The following RYR2 variants were observed in gnomAD, a reference collection of about 807,000 sequenced individuals.
RYR2 encodes cardiac muscle ryanodine receptor-calcium release channel.
Under a neutral mutation model 601.1 loss-of-function variants are expected in RYR2, and 227 were observed. The observed-to-expected ratio is 0.38, with a 90% CI of 0.34 to 0.42. The LOEUF (loss-of-function observed/expected upper bound fraction) is 0.42. Ranked by LOEUF, RYR2 falls within the 10% of genes least tolerant of loss-of-function variation. The pLI is 1.00. For synonymous variants in RYR2, 2,223 were observed against 2,175.1 expected, an observed-to-expected ratio of 1.02 and a Z score of -0.61; for missense variants, 4,646 against 6,156.5, an observed-to-expected ratio of 0.75 and a Z score of 8.21.
At chr1:237,795,154 C>A in intron 95 of RYR2, 135 bp from the exon 96 acceptor site, 1 of 472,964 alleles carries the variant, frequency 2.1e-6, no homozygotes, top group South Asian at 3.4e-5. Context: ...GTGATGTTAG[C>A]CAAATTCATT....
chr1:237,767,288 G>T (rs1693918159), intron 84 of RYR2, among the ~76,000 whole-genome samples: 1 of 152,148 alleles, frequency 6.6e-6, no homozygotes, highest in African/African-American at 2.4e-5. Context: ...ATTAGTTACT[G>T]ATGGTAACTT....
chr1:237,387,005 C>G lies in RYR2; in HGVS notation c.577-276C>G, dbSNP rs894478396. On this transcript the variant is annotated intron_variant, in intron 8 of 104. Transcript: ENST00000366574. ...ACCATCGTTAAAACAAAAATAGTAT[C>G]TTGTTACAAATAAACTTATTTAGTG... is the stretch of plus-strand genomic sequence containing the variant. Among the ~76,000 whole-genome samples the G allele has an allele frequency of 2.0e-5, 3 of 152,168 alleles. No individual in the cohort carries two copies. In the East Asian group the frequency reaches 5.8e-4, roughly 29 times the overall value.
chr1:237,675,793 C>A (rs1685341042), intron 60 of RYR2, among the ~76,000 whole-genome samples: 1 of 151,966 alleles, frequency 6.6e-6, no homozygotes. Flanking sequence ...CCTCTTGTAT[C>A]CTAAATGTGA....
intron 1 of RYR2, among the ~76,000 whole-genome samples, chr1:237,064,381 C>T (rs910386877): frequency 6.6e-6 from 1 of 152,114 alleles, no homozygotes; most frequent in African/African-American, 2.4e-5. Context: ...TCTTCCTCTT[C>T]ATCTATTTTC....
chr1:237,756,181 ATGT>A (rs1166838665), intron 80 of RYR2, 104 bp from the exon 81 acceptor site: 2 of 691,840 alleles, frequency 2.9e-6, no homozygotes, highest in Non-Finnish European at 5.2e-6. Flanking sequence ...ATGGTCCATA[ATGT>A]TGTCATAGAG....
At chr1:237,484,893 G>A (rs138048356) in intron 17 of RYR2, among the ~76,000 whole-genome samples, 33 of 151,664 alleles carry the variant, frequency 2.2e-4, no homozygotes, top group East Asian at 5.8e-4. Flanking sequence ...TAGACATTTA[G>A]TTACATCCTT....
intron 2 of RYR2, among the ~76,000 whole-genome samples, chr1:237,277,086 T>A (rs1003932448): frequency 6.6e-6 from 1 of 152,196 alleles, no homozygotes; most frequent in Admixed American, 6.5e-5. Flanking sequence ...GTGAAGGTTA[T>A]TCCAGGAATC....
intron 1 of RYR2, among the ~76,000 whole-genome samples, chr1:237,061,299 CT>C (rs1397766818): frequency 4.6e-4 from 67 of 145,852 alleles, no homozygotes; most frequent in East Asian, 1.2e-3. Context: ...ATCTATCTAT[CT>C]ATCTATCTAT....
In RYR2 at chr1:237,755,103, G is replaced by A. The variant is rs532094193; in HGVS notation, c.11146-1185G>A. On this transcript the variant is annotated intron_variant, in intron 80 of 104. Coordinates refer to ENST00000366574, the MANE Select transcript of RYR2 (RefSeq NM_001035.3). ...TTTAAGAAACAAATTTGCCAGCCTC[G>A]GCGAGAACTCTCTGGTAACAGCATA... 3.1e-6 allele frequency: 4 copies of A among 1,288,114 alleles called. No homozygotes were observed. The Admixed American group carries it at 6.9e-5, about 22-fold the overall frequency. 79.8% of individuals were successfully genotyped at this position (1,288,114 alleles called of 1,614,324 possible). A position where few individuals can be genotyped will look rare whatever the true frequency, so the allele number is the denominator to read the frequency against.
At chr1:237,075,576 G>A (rs1476045252) in intron 1 of RYR2, among the ~76,000 whole-genome samples, 2 of 66,362 alleles carry the variant, frequency 3.0e-5, no homozygotes, top group Non-Finnish European at 3.2e-5. Flanking sequence ...ACCGGCTTAA[G>A]AAACGGCGCA....
chr1:237,315,189 C>A (rs1356255018), intron 2 of RYR2, among the ~76,000 whole-genome samples: 1 of 152,206 alleles, frequency 6.6e-6, no homozygotes, highest in Admixed American at 6.5e-5. Flanking sequence ...TAAGCCATCC[C>A]TTAACTCCAA....
chr1:237,549,351 G>C (rs1243961022), intron 26 of RYR2, among the ~76,000 whole-genome samples: 1 of 152,130 alleles, frequency 6.6e-6, no homozygotes, highest in Admixed American at 6.5e-5. Flanking sequence ...AAGGTGGGAG[G>C]ACTGCTTGAG....
At chr1:237,218,490 C>A (rs1371748475) in intron 1 of RYR2, among the ~76,000 whole-genome samples, 1 of 152,242 alleles carries the variant, frequency 6.6e-6, no homozygotes, top group South Asian at 2.1e-4. Context: ...GGACAACTGA[C>A]CCAAGATGCT....
intron 83 of RYR2, 132 bp downstream of exon 83, chr1:237,759,984 C>T (rs779565650): frequency 9.1e-6 from 6 of 661,508 alleles, no homozygotes; most frequent in African/African-American, 1.8e-5. Context: ...GTGGGATAAT[C>T]GGCAGTGTCT....
At chr1:237,422,453 A>AT (rs1180993997) in intron 11 of RYR2, among the ~76,000 whole-genome samples, 1 of 151,554 alleles carries the variant, frequency 6.6e-6, no homozygotes, top group Non-Finnish European at 1.5e-5. Context: ...TGTTTATTAC[A>AT]TTTTTTCCTG....
intron 25 of RYR2, among the ~76,000 whole-genome samples, chr1:237,532,521 C>G (rs1383443631): frequency 6.6e-6 from 1 of 151,964 alleles, no homozygotes; most frequent in Non-Finnish European, 1.5e-5. Context: ...TTTTCATTAT[C>G]CTCATCCTTT....
chr1:237,163,365 C>T (rs1329469610), intron 1 of RYR2, among the ~76,000 whole-genome samples: 11 of 137,872 alleles, frequency 8.0e-5, no homozygotes, highest in Admixed American at 2.2e-4. Flanking sequence ...ACCCCCCCCA[C>T]CCCCACCCCT....
intron 25 of RYR2, among the ~76,000 whole-genome samples, chr1:237,542,058 CTT>C (rs373355953): frequency 0.58 from 86,097 of 148,402 alleles, 25,968 homozygotes; most frequent in East Asian, 0.75. Flanking sequence ...ACATTTTTGT[CTT>C]TATTTATTTA....
intron 100 of RYR2, among the ~76,000 whole-genome samples, chr1:237,818,428 C>T (rs1662075949): frequency 6.6e-6 from 1 of 152,086 alleles, no homozygotes; most frequent in Non-Finnish European, 1.5e-5. Flanking sequence ...CATTTTTTAG[C>T]AGTAGGCACA....
Sources: gnomAD v4.1 joint callset for allele counts (sites outside exome capture counted in the v4.1 genomes callset) on GRCh38, gnomAD v4.1.1 for gene constraint, MANE v1.5 for transcripts, NCBI Gene and HGNC (gene_info 2026-07-23, HGNC 2026-07-21) for gene names.